RRBP1: variants seen among roughly 807,000 people sequenced by gnomAD.
RRBP1 encodes ribosome-binding protein 1.
RRBP1 carries 94 observed loss-of-function variants against 165.2 expected under a neutral mutation model. The observed-to-expected ratio is 0.57, with a 90% CI of 0.48 to 0.68. The LOEUF (loss-of-function observed/expected upper bound fraction) is 0.68. Among genes scored for constraint, RRBP1 ranks in the 30% least tolerant of loss-of-function variants. RRBP1 has a pLI of 0.00. For missense variants in RRBP1, 1,676 were observed against 1,763.0 expected (o/e 0.95, Z 0.88); for synonymous variants, 680 against 714.5 (o/e 0.95, Z 0.77).
At chr20:17,668,794 G>C (rs2036918462) in intron 2 of RRBP1, among the ~76,000 whole-genome samples, 1 of 152,152 alleles carries the variant, frequency 6.6e-6, no homozygotes, top group Admixed American at 6.5e-5. Context: ...AGATGACTTT[G>C]ACCGATAATA....
intron 7 of RRBP1, among the ~76,000 whole-genome samples, chr20:17,634,657 T>A (rs2036215566): frequency 6.6e-6 from 1 of 152,120 alleles, no homozygotes; most frequent in Non-Finnish European, 1.5e-5. Context: ...CCTTACCCAT[T>A]AAGGAGGCCA....
intron 7 of RRBP1, 30 bp from the exon 8 acceptor site, chr20:17,633,643 G>T: frequency 6.2e-7 from 1 of 1,610,458 alleles, no homozygotes; most frequent in Non-Finnish European, 8.5e-7. Context: ...CCGACTAATG[G>T]AAAGAAAAGG....
intron 4 of RRBP1, among the ~76,000 whole-genome samples, chr20:17,642,282 C>T (rs1284338576): frequency 2.6e-5 from 4 of 152,144 alleles, no homozygotes; most frequent in African/African-American, 7.2e-5. Flanking sequence ...GTATGGGGGC[C>T]GGGTACTCTG....
At chr20:17,668,372 G>A (rs2036910023) in intron 2 of RRBP1, among the ~76,000 whole-genome samples, 1 of 152,070 alleles carries the variant, frequency 6.6e-6, no homozygotes, top group South Asian at 2.1e-4. Flanking sequence ...ATTTTTCATT[G>A]TCTTCTTTTC....
chr20:17,622,586 A>G (rs534665639), intron 13 of RRBP1, among the ~76,000 whole-genome samples: 1 of 152,184 alleles, frequency 6.6e-6, no homozygotes, highest in African/African-American at 2.4e-5. Context: ...ACCCTGTGCC[A>G]TGCTGGGTCG....
At chr20:17,645,150 C>A (rs1053852700) in intron 3 of RRBP1, among the ~76,000 whole-genome samples, 1 of 152,194 alleles carries the variant, frequency 6.6e-6, no homozygotes, top group Admixed American at 6.5e-5. Context: ...CCAGGCCCCA[C>A]GGCCCCTACT....
chr20:17,669,593 T>A (rs1463528050), intron 2 of RRBP1, among the ~76,000 whole-genome samples: 1 of 152,276 alleles, frequency 6.6e-6, no homozygotes, highest in Admixed American at 6.5e-5. Flanking sequence ...TATGTGCTAA[T>A]GTATACCATT....
At position 17,643,269 on chromosome 20, in the gene RRBP1, C is replaced by T. The variant is rs968917804; in HGVS notation, c.1913-142G>A. On this transcript the variant is annotated intron_variant, in intron 3 of 24. Coordinates refer to ENST00000377813, the MANE Select transcript of RRBP1 (RefSeq NM_001365613.2). This position sits in a 1 kb window ranked among gnomAD's most constrained non-coding sequence, Gnocchi z 4.3. The stretch of plus-strand genomic sequence containing the variant: ...CTTGGGGTCAGCAGGCTGAGCATGG[C>T]GAGTCTGCTCCAGTGTCTCCTGCTC... 7 of 787,236 alleles carry T rather than the reference C, an allele frequency of 8.9e-6. No individual in the cohort carries two copies. Among genetic ancestry groups the T allele is most frequent in the East Asian group, 2.7e-5 (1 of 37,054 alleles). 48.8% of individuals were successfully genotyped at this position (787,236 alleles called of 1,614,324 possible). A position where few individuals can be genotyped will look rare whatever the true frequency, so the allele number is the denominator to read the frequency against.
At chr20:17,644,193 G>A (rs936930111) in intron 3 of RRBP1, among the ~76,000 whole-genome samples, 2 of 152,278 alleles carry the variant, frequency 1.3e-5, no homozygotes, top group South Asian at 2.1e-4. Flanking sequence ...CGTGGGATGT[G>A]GGCGAGCTGG....
rs147527604 is a variant in RRBP1, at chr20:17,627,349, G to T, written c.2962C>A (p.Arg988Ser). The T allele has an allele frequency of 1.9e-6, 3 of 1,613,388 alleles. No individual in the cohort carries two copies. Among genetic ancestry groups the T allele is most frequent in the Non-Finnish European group, 2.5e-6 (3 of 1,179,926 alleles). ...AGGCAGGCTGCTTCCCCAGCTTACC[G>T]AGTCTGCTGCTGGTCAGCCTCCGCC... ...SQAEADQQQT[R>S]LKELESQVSG... Residue 988 changes from arginine to serine, a missense_variant and splice_region_variant, in exon 11 of 25, where the codon CGC becomes AGC. Transcript: ENST00000377813.
At chr20:17,675,418 C>A (rs2037059592) in intron 2 of RRBP1, among the ~76,000 whole-genome samples, 1 of 152,174 alleles carries the variant, frequency 6.6e-6, no homozygotes, top group Admixed American at 6.5e-5. Context: ...ACTGGATATA[C>A]CTCAGGAAAC....
At chr20:17,624,496 G>A (rs2035977614) in intron 13 of RRBP1, 80 bp downstream of exon 13, 1 of 922,156 alleles carries the variant, frequency 1.1e-6, no homozygotes, top group East Asian at 2.6e-5. Flanking sequence ...TGGTGTCCTA[G>A]TGCATCTGTA....
chr20:17,623,658 GTGGTGGTTCACCCC>G (rs1294032305), intron 13 of RRBP1, among the ~76,000 whole-genome samples: 2 of 152,218 alleles, frequency 1.3e-5, no homozygotes, highest in African/African-American at 2.4e-5. Context: ...GGGACTGGGC[GTGGTGGTTCACCCC>G]TGTAATCCCA....
intron 2 of RRBP1, among the ~76,000 whole-genome samples, chr20:17,666,336 T>C (rs1342094973): frequency 6.9e-6 from 1 of 145,490 alleles, no homozygotes; most frequent in Non-Finnish European, 1.5e-5. Flanking sequence ...CAAGACCCTG[T>C]CTCTTAAAAA....
chr20:17,616,045 G>A (rs781365573), intron 21 of RRBP1, 36 bp from the exon 22 acceptor site: 1 of 1,578,080 alleles, frequency 6.3e-7, no homozygotes, highest in East Asian at 2.2e-5. Context: ...CGGCAGCCCG[G>A]TGAGGAACCC....
chr20:17,671,388 C>T (rs1241938521), intron 2 of RRBP1, among the ~76,000 whole-genome samples: 2 of 152,118 alleles, frequency 1.3e-5, no homozygotes, highest in Non-Finnish European at 2.9e-5. Context: ...ATTTGGTGAG[C>T]CTAGGATAAA....
intron 2 of RRBP1, among the ~76,000 whole-genome samples, chr20:17,676,650 TAG>T (rs2037087719): frequency 6.6e-6 from 1 of 152,174 alleles, no homozygotes; most frequent in Non-Finnish European, 1.5e-5. Flanking sequence ...AGGCCCAGCT[TAG>T]AGAGGACAAA....
At chr20:17,678,233 C>G (rs2037117991) in intron 2 of RRBP1, among the ~76,000 whole-genome samples, 1 of 152,192 alleles carries the variant, frequency 6.6e-6, no homozygotes, top group East Asian at 1.9e-4. Context: ...AGTGAGAGTG[C>G]CTCCTTGCCT....
chr20:17,655,991 C>A (rs1325362401), intron 3 of RRBP1, among the ~76,000 whole-genome samples: 1 of 152,126 alleles, frequency 6.6e-6, no homozygotes, highest in Non-Finnish European at 1.5e-5. Flanking sequence ...GTCACAAGAT[C>A]CTGGGTGATT....
Sources: allele counts gnomAD v4.1 joint callset (sites outside exome capture counted in the v4.1 genomes callset), GRCh38; gene constraint gnomAD v4.1.1; non-coding constraint Gnocchi (gnomAD v3.1); transcripts MANE v1.5; gene names NCBI Gene and HGNC (gene_info 2026-07-23, HGNC 2026-07-21).